Variants in OTUD7A observed in about 807,000 individuals in gnomAD.
The protein encoded by OTUD7A is OTU deubiquitinase 7A, also known as OTU domain-containing protein 7A.
Under a neutral mutation model 65.7 loss-of-function variants are expected in OTUD7A, and 12 were observed. The observed-to-expected ratio is 0.18, with a 90% CI of 0.12 to 0.30. OTUD7A has a LOEUF of 0.30. Ranked by LOEUF, OTUD7A falls within the 10% of genes least tolerant of loss-of-function variation. OTUD7A has a pLI of 1.00. For missense variants in OTUD7A, 1,148 were observed against 1,304.8 expected (o/e 0.88, Z 1.85); for synonymous variants, 641 against 586.3 (o/e 1.09, Z -1.35).
chr15:31,818,152 C>T (rs1482667749), intron 1 of OTUD7A, among the ~76,000 whole-genome samples: 2 of 152,194 alleles, frequency 1.3e-5, no homozygotes, highest in Non-Finnish European at 2.9e-5. Context: ...AACTGGACTT[C>T]TCGGACTCCC....
chr15:31,748,764 T>C (rs1404171680), intron 1 of OTUD7A, among the ~76,000 whole-genome samples: 3 of 152,170 alleles, frequency 2.0e-5, no homozygotes, highest in Non-Finnish European at 1.5e-5. Flanking sequence ...ATTAAAAACA[T>C]GCACAAGAAT....
chr15:31,856,253 A>T (rs1381556723), intron 1 of OTUD7A, among the ~76,000 whole-genome samples: 1 of 152,214 alleles, frequency 6.6e-6, no homozygotes, highest in Non-Finnish European at 1.5e-5. Flanking sequence ...ATAGTCTTGG[A>T]TATCCACAGA....
rs772949592 is a variant in OTUD7A, at chr15:31,655,133, C to G, written c.114G>C (p.Thr38=). 6.4e-7 allele frequency: 1 copy of G among 1,567,798 alleles called. No individual in the cohort carries two copies. Among genetic ancestry groups the G allele is most frequent in the Non-Finnish European group, 8.6e-7 (1 of 1,161,556 alleles). The change falls in exon 3 of 13, where the codon ACG becomes ACC. Residue 38 remains threonine, a synonymous_variant. Transcript: ENST00000307050. ...DAVLSDFVRS[T]GAEPGLARDL... Reference sequence around the variant, plus strand: ...CTCTGGCCAGACCAGGTTCTGCCCCCGTGGACCGAACAAAGTCTGACAGGA... The same window carrying G: ...CTCTGGCCAGACCAGGTTCTGCCCCGGTGGACCGAACAAAGTCTGACAGGA...
rs1319716018 is a variant in OTUD7A at position 31,511,041 on chromosome 15, C to CAT, written c.894-7225_894-7224dup. Among the ~76,000 whole-genome samples the CAT allele has an allele frequency of 3.6e-4, 5 of 13,862 alleles. 1 individual carries two copies. The highest frequency in any genetic ancestry group is 2.0e-3 in the African/African-American group (2 of 1,022). The allele number at this position is 13,862 out of a possible 152,430, so 9.1% of individuals were successfully genotyped here. A position where few individuals can be genotyped will look rare whatever the true frequency, so the allele number is the denominator to read the frequency against. On this transcript the variant is annotated intron_variant, in intron 8 of 12. Coordinates refer to ENST00000307050, the MANE Select transcript of OTUD7A (RefSeq NM_001382637.1). ...TACATGTATATCTATATGTAACATA[C>CAT]ATGTATATCTATATGTAACATACAT...
At chr15:31,652,358 C>G (rs1891865980) in intron 3 of OTUD7A, among the ~76,000 whole-genome samples, 1 of 152,154 alleles carries the variant, frequency 6.6e-6, no homozygotes. Flanking sequence ...GATCATAGAT[C>G]TAAATGTAAA....
At chr15:31,497,498 C>T (rs940411973) in intron 10 of OTUD7A, among the ~76,000 whole-genome samples, 1 of 152,134 alleles carries the variant, frequency 6.6e-6, no homozygotes, top group African/African-American at 2.4e-5. Flanking sequence ...AACCCACCCA[C>T]CTCGGCCTCC....
chr15:31,671,246 G>C (rs1892477217), intron 1 of OTUD7A, among the ~76,000 whole-genome samples: 1 of 152,158 alleles, frequency 6.6e-6, no homozygotes, highest in Admixed American at 6.5e-5. Flanking sequence ...GTTAATTTTT[G>C]TATAAGGTGT....
intron 3 of OTUD7A, among the ~76,000 whole-genome samples, chr15:31,587,176 A>C (rs1595631261): frequency 6.6e-6 from 1 of 152,194 alleles, no homozygotes; most frequent in African/African-American, 2.4e-5. Flanking sequence ...TCACCTTAAA[A>C]TATGCATTCT....
intron 1 of OTUD7A, among the ~76,000 whole-genome samples, chr15:31,809,608 C>T (rs1238787371): frequency 1.3e-5 from 2 of 152,200 alleles, no homozygotes; most frequent in African/African-American, 2.4e-5. Context: ...TACTGACCAG[C>T]TTTTCTTCCC....
intron 1 of OTUD7A, among the ~76,000 whole-genome samples, chr15:31,702,882 G>C (rs964814486): frequency 6.6e-6 from 1 of 151,792 alleles, no homozygotes; most frequent in African/African-American, 2.4e-5. Flanking sequence ...GAAGACTGCA[G>C]TACTGGTGAA....
intron 1 of OTUD7A, among the ~76,000 whole-genome samples, chr15:31,810,211 G>T (rs967597404): frequency 6.6e-6 from 1 of 152,186 alleles, no homozygotes; most frequent in Non-Finnish European, 1.5e-5. Context: ...TTACAGAGAA[G>T]GTGCAGGTGG....
At chr15:31,517,942 A>AGTC (rs2041882310) in intron 8 of OTUD7A, among the ~76,000 whole-genome samples, 1 of 152,120 alleles carries the variant, frequency 6.6e-6, no homozygotes. Context: ...GTTAAAGGGC[A>AGTC]GTCACCCAGC....
chr15:31,641,182 G>C (rs2141262114), intron 3 of OTUD7A, among the ~76,000 whole-genome samples: 1 of 152,046 alleles, frequency 6.6e-6, no homozygotes, highest in South Asian at 2.1e-4. Context: ...TAAGTGTCTG[G>C]CCTCTCCCCT....
chr15:31,820,080 T>C (rs1025803469), intron 1 of OTUD7A, among the ~76,000 whole-genome samples: 1 of 152,190 alleles, frequency 6.6e-6, no homozygotes, highest in Non-Finnish European at 1.5e-5. Flanking sequence ...AACATTCTTA[T>C]TATTTGCTTC....
At chr15:31,685,596 T>C (rs1194488282) in intron 1 of OTUD7A, among the ~76,000 whole-genome samples, 1 of 152,186 alleles carries the variant, frequency 6.6e-6, no homozygotes, top group African/African-American at 2.4e-5. Context: ...GAGGTGGAGC[T>C]TGCAGTGAGC....
intron 8 of OTUD7A, among the ~76,000 whole-genome samples, chr15:31,508,558 T>C (rs951952609): frequency 1.3e-5 from 2 of 152,224 alleles, no homozygotes; most frequent in Non-Finnish European, 2.9e-5. Context: ...TTCACTGTGT[T>C]AGCCAGGATG....
At chr15:31,551,983 G>A (rs1019965624) in intron 5 of OTUD7A, among the ~76,000 whole-genome samples, 2 of 152,198 alleles carry the variant, frequency 1.3e-5, no homozygotes, top group Non-Finnish European at 2.9e-5. Flanking sequence ...CCCCAATGTT[G>A]AGGGGGGCCT....
intron 3 of OTUD7A, among the ~76,000 whole-genome samples, chr15:31,587,921 AT>A (rs1889597721): frequency 6.6e-6 from 1 of 151,604 alleles, no homozygotes; most frequent in African/African-American, 2.4e-5. Flanking sequence ...CCCTCACTTC[AT>A]TGTGGTCTCT....
intron 3 of OTUD7A, among the ~76,000 whole-genome samples, chr15:31,630,996 G>C (rs879175940): frequency 7.1e-6 from 1 of 140,210 alleles, no homozygotes. Context: ...CACATGAGAT[G>C]GGTTTCCTGA....
Sources: allele counts gnomAD v4.1 joint callset (sites outside exome capture counted in the v4.1 genomes callset), GRCh38; gene constraint gnomAD v4.1.1; transcripts MANE v1.5; gene names NCBI Gene and HGNC (gene_info 2026-07-23, HGNC 2026-07-21).